The following ORC3 variants were observed in gnomAD, a reference collection of about 807,000 sequenced individuals.
ORC3 encodes origin recognition complex subunit 3.
In ORC3, 78 loss-of-function variants were observed where a neutral mutation model predicts 100.7. That is an observed-to-expected ratio of 0.77 (90% CI 0.65 to 0.94). The LOEUF (loss-of-function observed/expected upper bound fraction) is 0.94, where lower values mean the gene tolerates loss of function less well. Ranked by LOEUF, ORC3 falls within the 40% of genes least tolerant of loss-of-function variation. The pLI is 0.00. For synonymous variants in ORC3, 295 were observed against 289.3 expected (o/e 1.02, Z -0.20); for missense variants, 789 against 823.9 (o/e 0.96, Z 0.52).
Position 87,600,855 on chromosome 6 carries a change from T to C in ORC3, c.80-929T>C, listed in dbSNP as rs180815338. ...TATTACATAATAAGGGTGAGTGTTG[T>C]TTTTTGTGACTTTAGTTTTTGTTCA... On this transcript the variant is annotated intron_variant, in intron 2 of 19. Transcript: ENST00000392844. Among the ~76,000 whole-genome samples, 381 of 152,330 alleles carry C rather than the reference T, an allele frequency of 2.5e-3. 2 individuals carry two copies. The highest frequency in any genetic ancestry group is 8.8e-3 in the African/African-American group (367 of 41,578).
chr6:87,652,091 G>A (rs1416008166), intron 13 of ORC3, among the ~76,000 whole-genome samples: 1 of 151,954 alleles, frequency 6.6e-6, no homozygotes, highest in Non-Finnish European at 1.5e-5. Flanking sequence ...GTAGAGACGA[G>A]GTTTCACCGT....
At chr6:87,599,904 C>T (rs900055944) in intron 2 of ORC3, among the ~76,000 whole-genome samples, 1 of 152,012 alleles carries the variant, frequency 6.6e-6, no homozygotes, top group East Asian at 1.9e-4. Flanking sequence ...ACCTGGGAGG[C>T]GGAGGTTGCA....
rs529240916 is a variant in ORC3, at chr6:87,623,866, A to C, written c.1185+1853A>C. ...ACCATTGCACTCCAGCCTGGGTGACAGAGCAAGACTCTGTCTTTAAAAAAA... is the reference window on the plus strand; with the variant it reads ...ACCATTGCACTCCAGCCTGGGTGACCGAGCAAGACTCTGTCTTTAAAAAAA... On this transcript the variant is annotated intron_variant, in intron 11 of 19. Coordinates refer to ENST00000392844, the MANE Select transcript of ORC3 (RefSeq NM_012381.4). Among the ~76,000 whole-genome samples the C allele has an allele frequency of 1.3e-4, 20 of 152,138 alleles. No homozygotes were observed. In the East Asian group the frequency reaches 3.7e-3, roughly 28 times the overall value.
chr6:87,646,068 G>A (rs1258600841), intron 13 of ORC3, among the ~76,000 whole-genome samples: 1 of 143,754 alleles, frequency 7.0e-6, no homozygotes, highest in African/African-American at 2.6e-5. Flanking sequence ...CTCACTGCAC[G>A]CTCCACCTCC....
chr6:87,613,397 G>A (rs957845891), intron 8 of ORC3, among the ~76,000 whole-genome samples: 1 of 152,166 alleles, frequency 6.6e-6, no homozygotes, highest in African/African-American at 2.4e-5. Flanking sequence ...GGGAATTCAA[G>A]ATGAGATTTG....
At chr6:87,674,256 C>G in the ORC3 span, among the ~76,000 whole-genome samples, 1 of 138,688 alleles carries the variant, frequency 7.2e-6, no homozygotes, top group Non-Finnish European at 1.5e-5. Context: ...GAGCCGAGAT[C>G]GTGCCACTGC....
chr6:87,675,964 TA>T, the ORC3 span: 3 of 1,567,114 alleles, frequency 1.9e-6, no homozygotes, highest in African/African-American at 4.1e-5. Context: ...ATTACATTTG[TA>T]AAATGCCTTA....
At chr6:87,645,018 A>G (rs975392243) in intron 13 of ORC3, among the ~76,000 whole-genome samples, 5 of 152,288 alleles carry the variant, frequency 3.3e-5, no homozygotes, top group Admixed American at 3.3e-4. Context: ...AACCAGTTTG[A>G]GAACTGTTCT....
intron 6 of ORC3, among the ~76,000 whole-genome samples, 187 bp from the exon 7 acceptor site, chr6:87,608,909 G>A (rs1778538732): frequency 6.6e-6 from 1 of 151,040 alleles, no homozygotes. Flanking sequence ...TTTTCTTCTT[G>A]GTTATTATTC....
chr6:87,651,155 T>C (rs1034904138), intron 13 of ORC3: 75 of 456,124 alleles, frequency 1.6e-4, no homozygotes, highest in Non-Finnish European at 2.5e-4. Context: ...CCCTCTTTTT[T>C]GGTCTCCTGG....
chr6:87,669,862 C>T (rs936861554), downstream of ORC3, among the ~76,000 whole-genome samples: 1 of 152,184 alleles, frequency 6.6e-6, no homozygotes, highest in Non-Finnish European at 1.5e-5. Context: ...ACCATCACTA[C>T]GTACAATGTA....
At chr6:87,653,021 T>C in intron 13 of ORC3, 95 bp from the exon 14 acceptor site, 1 of 966,588 alleles carries the variant, frequency 1.0e-6, no homozygotes, top group Admixed American at 2.6e-5. Context: ...TTTTATCTTC[T>C]GAGCGGAAAC....
intron 4 of ORC3, among the ~76,000 whole-genome samples, chr6:87,605,628 T>G (rs1201454566): frequency 1.3e-5 from 2 of 151,192 alleles, no homozygotes; most frequent in African/African-American, 4.9e-5. Context: ...CCAGCCTGGA[T>G]GACAGAGCGA....
rs150229018 is a variant in ORC3, at chr6:87,618,635, T to C, written c.987+2208T>C. Among the ~76,000 whole-genome samples, 1,118 of 152,260 alleles carry C rather than the reference T, an allele frequency of 7.3e-3. 24 individuals carry two copies. Among genetic ancestry groups the C allele is most frequent in the African/African-American group, 0.025 (1,057 of 41,554 alleles). ...GAAGAGAGATCTGTTAGAATGCTATTGCAGTAATCTAGACAGGACATGACA... is the reference window on the plus strand; with the variant it reads ...GAAGAGAGATCTGTTAGAATGCTATCGCAGTAATCTAGACAGGACATGACA... On this transcript the variant is annotated intron_variant, in intron 9 of 19. Transcript: ENST00000392844.
At chr6:87,606,734 T>C (rs902150484) in intron 5 of ORC3, among the ~76,000 whole-genome samples, 3 of 152,050 alleles carry the variant, frequency 2.0e-5, no homozygotes, top group African/African-American at 7.2e-5. Flanking sequence ...TGTTGTTGTT[T>C]GTAGAGATTG....
chr6:87,637,806 G>A (rs1767941156), intron 13 of ORC3, among the ~76,000 whole-genome samples: 1 of 152,242 alleles, frequency 6.6e-6, no homozygotes, highest in African/African-American at 2.4e-5. Context: ...ATGAGCAGCA[G>A]TAGTAATGGT....
Position 87,657,864 on chromosome 6 carries a change from C to T in ORC3, c.1594-57C>T, listed in dbSNP as rs551414176. Reference sequence around the variant, plus strand: ...CTATAGAACTTACCAACAGAGCTCCCTCTGAGGGGTTTTCTGTCTGAGGAT... The same window carrying T: ...CTATAGAACTTACCAACAGAGCTCCTTCTGAGGGGTTTTCTGTCTGAGGAT... On this transcript the variant is annotated intron_variant, in intron 15 of 19. Transcript: ENST00000392844. 14 of 920,518 alleles carry T rather than the reference C, an allele frequency of 1.5e-5. No homozygotes were observed. In the African/African-American group the frequency reaches 2.1e-4, roughly 14 times the overall value. 57.0% of individuals were successfully genotyped at this position (920,518 alleles called of 1,614,324 possible).
intron 2 of ORC3, among the ~76,000 whole-genome samples, chr6:87,596,132 GC>G (rs1326362339): frequency 6.6e-6 from 1 of 151,726 alleles, no homozygotes; most frequent in African/African-American, 2.4e-5. Context: ...GAGCCACTGT[GC>G]CCAGCCTAAT....
chr6:87,615,942 G>T (rs1319611182), intron 8 of ORC3, among the ~76,000 whole-genome samples: 1 of 151,720 alleles, frequency 6.6e-6, no homozygotes, highest in African/African-American at 2.4e-5. Flanking sequence ...ATTTGAATCA[G>T]TAGTAATGAA....
Sources: gnomAD v4.1 joint callset for allele counts (sites outside exome capture counted in the v4.1 genomes callset) on GRCh38, gnomAD v4.1.1 for gene constraint, MANE v1.5 for transcripts, NCBI Gene and HGNC (gene_info 2026-07-23, HGNC 2026-07-21) for gene names.